PCM1: variants seen among roughly 807,000 people sequenced by gnomAD.
PCM1 encodes the protein pericentriolar material 1.
A neutral mutation model predicts 241.9 loss-of-function variants in PCM1; 157 were observed. That is an observed-to-expected ratio of 0.65 (90% CI 0.57 to 0.74). The LOEUF (loss-of-function observed/expected upper bound fraction) is 0.74. PCM1 is among the 30% of genes least tolerant of loss of function. PCM1 has a pLI of 0.00. For missense variants in PCM1, 3,478 were observed against 2,360.1 expected, an observed-to-expected ratio of 1.47 and a Z score of -9.81; for synonymous variants, 1,085 against 784.9, an observed-to-expected ratio of 1.38 and a Z score of -6.39.
At chr8:17,978,359 A>T (rs561085243) in intron 23 of PCM1, among the ~76,000 whole-genome samples, 46 of 152,258 alleles carry the variant, frequency 3.0e-4, no homozygotes, top group African/African-American at 1.1e-3. Context: ...GCAGATCAGA[A>T]CAGCTGGCTG....
chr8:17,970,994 A>G (rs1177409646), intron 22 of PCM1, among the ~76,000 whole-genome samples: 1 of 152,212 alleles, frequency 6.6e-6, no homozygotes, highest in Non-Finnish European at 1.5e-5. Context: ...CTTGCTGGCC[A>G]TATAGTGTTT....
At chr8:17,939,952 T>A in intron 6 of PCM1, 91 bp downstream of exon 6, 1 of 1,130,812 alleles carries the variant, frequency 8.8e-7, no homozygotes, top group South Asian at 1.3e-5. Flanking sequence ...CCAGAGGAGT[T>A]AACATATTTT....
intron 23 of PCM1, among the ~76,000 whole-genome samples, chr8:17,979,575 A>G (rs2079986968): frequency 6.6e-6 from 1 of 152,202 alleles, no homozygotes; most frequent in Non-Finnish European, 1.5e-5. Context: ...AAATGTAAGG[A>G]ACAAATTTAA....
intron 15 of PCM1, among the ~76,000 whole-genome samples, chr8:17,961,380 G>A (rs546018883): frequency 9.4e-5 from 12 of 128,000 alleles, no homozygotes; most frequent in Admixed American, 6.0e-4. Flanking sequence ...GTGCAATCTC[G>A]GCTCACTGCA....
chr8:17,945,693 A>G (rs1243782223), intron 6 of PCM1, among the ~76,000 whole-genome samples: 1 of 152,156 alleles, frequency 6.6e-6, no homozygotes, highest in Non-Finnish European at 1.5e-5. Flanking sequence ...TAGTATTGTA[A>G]AGGATGTCAC....
chr8:17,954,151 G>A lies in PCM1; in HGVS notation c.1288+965G>A, dbSNP rs546930277. Among the ~76,000 whole-genome samples, 192 of 152,290 alleles carry A rather than the reference G, an allele frequency of 1.3e-3. 1 individual carries two copies. Among genetic ancestry groups the A allele is most frequent in the Middle Eastern group, 3.4e-3 (1 of 292 alleles). ...TGAATACAACTAAGATGTGTGGCTGGGTGTGGTGGCTCACGCCTGTAATCC... is the reference window on the plus strand; with the variant it reads ...TGAATACAACTAAGATGTGTGGCTGAGTGTGGTGGCTCACGCCTGTAATCC... On this transcript the variant is annotated intron_variant, in intron 9 of 38. Transcript: ENST00000325083.
At chr8:17,980,521 A>G (rs1051300121) in intron 23 of PCM1, 70 bp from the exon 24 acceptor site, 58 of 1,331,656 alleles carry the variant, frequency 4.4e-5, no homozygotes, top group Admixed American at 6.8e-5. Flanking sequence ...CTGTTACACA[A>G]TGGAAACCGA....
At chr8:18,021,783 C>A (rs1014701383) in intron 36 of PCM1, among the ~76,000 whole-genome samples, 2 of 152,166 alleles carry the variant, frequency 1.3e-5, no homozygotes, top group Non-Finnish European at 2.9e-5. Context: ...ATTACATCAA[C>A]CCCTACAGAA....
At chr8:17,969,522 T>A in intron 21 of PCM1, 55 bp from the exon 22 acceptor site, 2 of 1,285,600 alleles carry the variant, frequency 1.6e-6, no homozygotes, top group Non-Finnish European at 2.2e-6. Context: ...TAATTTCATT[T>A]TAAAGCTAAA....
intron 29 of PCM1, among the ~76,000 whole-genome samples, chr8:18,004,284 A>C (rs2090613645): frequency 6.6e-6 from 1 of 152,208 alleles, no homozygotes; most frequent in Non-Finnish European, 1.5e-5. Context: ...CATTTTTTAA[A>C]GTGATTTTTC....
intron 22 of PCM1, 138 bp downstream of exon 22, chr8:17,969,886 A>T (rs1007050010): frequency 3.1e-6 from 2 of 653,390 alleles, no homozygotes; most frequent in Admixed American, 6.3e-5. Flanking sequence ...TGAAACTTTG[A>T]CGTATCAGTA....
chr8:17,989,048 C>G (rs571666728), intron 26 of PCM1, among the ~76,000 whole-genome samples: 2 of 152,038 alleles, frequency 1.3e-5, no homozygotes, highest in South Asian at 2.1e-4. Context: ...ACTGAAGCAT[C>G]AAGAGATAAA....
intron 29 of PCM1, among the ~76,000 whole-genome samples, chr8:17,995,797 G>C (rs2086489688): frequency 6.6e-6 from 1 of 151,840 alleles, no homozygotes; most frequent in Non-Finnish European, 1.5e-5. Flanking sequence ...TTAATTCTTA[G>C]GTATTTAATT....
In PCM1 at chr8:17,940,592, T is replaced by G. The variant is rs536984516; in HGVS notation, c.783+731T>G. Among the ~76,000 whole-genome samples the G allele has an allele frequency of 8.2e-4, 125 of 152,288 alleles. 1 individual carries two copies. The highest frequency in any genetic ancestry group is 2.9e-3 in the African/African-American group (120 of 41,574). On this transcript the variant is annotated intron_variant, in intron 6 of 38. Coordinates refer to ENST00000325083, the MANE Select transcript of PCM1 (RefSeq NM_006197.4). Reference sequence around the variant, plus strand: ...CGTTAAGGATATTAGAATTTTTCATTTTTTGGGCTCTATCCTAGTACTGGA... The same window carrying G: ...CGTTAAGGATATTAGAATTTTTCATGTTTTGGGCTCTATCCTAGTACTGGA...
chr8:17,947,433 C>T, intron 7 of PCM1, 70 bp downstream of exon 7: 2 of 1,060,772 alleles, frequency 1.9e-6, no homozygotes, highest in Non-Finnish European at 2.7e-6. Flanking sequence ...AGGGTGGATG[C>T]TGATTATTAC....
At chr8:18,007,288 AC>A (rs2091594155) in intron 30 of PCM1, among the ~76,000 whole-genome samples, 1 of 152,150 alleles carries the variant, frequency 6.6e-6, no homozygotes, top group South Asian at 2.1e-4. Flanking sequence ...ATCACTATTA[AC>A]TTTTTTTAAA....
chr8:18,027,028 T>C (rs1009138541), intron 38 of PCM1, among the ~76,000 whole-genome samples: 5 of 152,236 alleles, frequency 3.3e-5, no homozygotes, highest in African/African-American at 1.2e-4. Context: ...AGCCACTCAA[T>C]GTTTCTTGCA....
chr8:18,010,725 GTAATC>G, intron 32 of PCM1, 57 bp downstream of exon 32: 1 of 1,283,572 alleles, frequency 7.8e-7, no homozygotes, highest in Non-Finnish European at 1.1e-6. Context: ...GCTCACCCCC[GTAATC>G]GCAGCCCTTT....
At chr8:17,992,500 A>C (rs1039344627) in intron 28 of PCM1, among the ~76,000 whole-genome samples, 8 of 151,890 alleles carry the variant, frequency 5.3e-5, no homozygotes, top group African/African-American at 1.9e-4. Context: ...TTTTCCTGAT[A>C]ATTAGTGATG....
Sources: allele counts gnomAD v4.1 joint callset (sites outside exome capture counted in the v4.1 genomes callset), GRCh38; gene constraint gnomAD v4.1.1; transcripts MANE v1.5; gene names NCBI Gene and HGNC (gene_info 2026-07-23, HGNC 2026-07-21).